Variants in STARD3NL observed in about 807,000 individuals in gnomAD.
STARD3NL encodes STARD3 N-terminal like, also known as STARD3 N-terminal-like protein.
A neutral mutation model predicts 30.9 loss-of-function variants in STARD3NL; 17 were observed. That is an observed-to-expected ratio of 0.55 (90% CI 0.38 to 0.82). STARD3NL has a LOEUF of 0.82. STARD3NL is among the 40% of genes least tolerant of loss of function. STARD3NL has a pLI of 0.00. For synonymous variants in STARD3NL, 112 were observed against 100.5 expected (o/e 1.11, Z -0.69); for missense variants, 234 against 277.6 (o/e 0.84, Z 1.12).
At chr7:38,204,762 G>C (rs1252636756) in intron 1 of STARD3NL, among the ~76,000 whole-genome samples, 1 of 151,984 alleles carries the variant, frequency 6.6e-6, no homozygotes, top group African/African-American at 2.4e-5. Context: ...GAAGAAAAGA[G>C]AGAAGAATCA....
intron 1 of STARD3NL, among the ~76,000 whole-genome samples, chr7:38,193,278 G>GT (rs760317387): frequency 2.2e-5 from 3 of 133,454 alleles, no homozygotes; most frequent in African/African-American, 8.3e-5. Context: ...ATTAGGATTA[G>GT]TTTTTTGTTG....
intron 2 of STARD3NL, among the ~76,000 whole-genome samples, chr7:38,213,938 C>T (rs948113997): frequency 2.0e-5 from 3 of 152,136 alleles, no homozygotes; most frequent in Admixed American, 6.5e-5. Context: ...GACGTTTGCC[C>T]GGATGTCGGG....
At chr7:38,220,322 T>C (rs1009136222) in intron 7 of STARD3NL, among the ~76,000 whole-genome samples, 18 of 152,330 alleles carry the variant, frequency 1.2e-4, no homozygotes, top group Middle Eastern at 3.4e-3. Context: ...GCAAGGGTTT[T>C]GATAGACATT....
chr7:38,226,547 A>AT (rs1786779615), intron 7 of STARD3NL, among the ~76,000 whole-genome samples: 1 of 152,116 alleles, frequency 6.6e-6, no homozygotes, highest in South Asian at 2.1e-4. Context: ...CGTTCAGGCC[A>AT]TTTTCAAGTC....
At chr7:38,225,116 A>T (rs563268845) in intron 7 of STARD3NL, among the ~76,000 whole-genome samples, 8 of 152,056 alleles carry the variant, frequency 5.3e-5, no homozygotes, top group African/African-American at 1.9e-4. Context: ...GATATTTTTC[A>T]TGTTTCTATT....
chr7:38,194,407 CT>C, intron 1 of STARD3NL, among the ~76,000 whole-genome samples: 1 of 152,102 alleles, frequency 6.6e-6, no homozygotes. Flanking sequence ...CATCATCCTC[CT>C]TTTGGATTTA....
At chr7:38,192,357 G>C (rs1784723129) in intron 1 of STARD3NL, among the ~76,000 whole-genome samples, 1 of 152,116 alleles carries the variant, frequency 6.6e-6, no homozygotes, top group South Asian at 2.1e-4. Context: ...TAATTATAGA[G>C]GTCTGTGTAC....
At chr7:38,221,566 T>C (rs1786464054) in intron 7 of STARD3NL, among the ~76,000 whole-genome samples, 1 of 152,198 alleles carries the variant, frequency 6.6e-6, no homozygotes. Context: ...ATCACACTAA[T>C]AATAAGTGGT....
intron 1 of STARD3NL, among the ~76,000 whole-genome samples, chr7:38,203,314 G>T (rs1356019385): frequency 2.0e-5 from 3 of 152,214 alleles, no homozygotes; most frequent in Admixed American, 1.3e-4. Flanking sequence ...CCAGAAGAGA[G>T]TGGGGGCCAA....
chr7:38,219,042 A>G (rs1786292172), intron 6 of STARD3NL, among the ~76,000 whole-genome samples: 1 of 152,154 alleles, frequency 6.6e-6, no homozygotes, highest in Non-Finnish European at 1.5e-5. Context: ...GGTACTCACA[A>G]GGGAAAGATG....
At chr7:38,181,255 C>T (rs559393363) in intron 1 of STARD3NL, among the ~76,000 whole-genome samples, 7 of 152,246 alleles carry the variant, frequency 4.6e-5, no homozygotes, top group Admixed American at 1.3e-4. Context: ...CTTAATCTTA[C>T]GCTTAGAAGT....
chr7:38,224,341 T>C (rs1227596953), intron 7 of STARD3NL, among the ~76,000 whole-genome samples: 2 of 152,250 alleles, frequency 1.3e-5, no homozygotes, highest in Non-Finnish European at 2.9e-5. Context: ...TGCTGTGTCA[T>C]GTGGCAAGTT....
At chr7:38,229,745 T>G (rs1562631839) in intron 8 of STARD3NL, among the ~76,000 whole-genome samples, 178 bp from the exon 9 acceptor site, 1 of 152,238 alleles carries the variant, frequency 6.6e-6, no homozygotes, top group Admixed American at 6.5e-5. Flanking sequence ...ATGCTCGTAG[T>G]TGAGCCTTTT....
chr7:38,207,998 A>G (rs1275608830), intron 2 of STARD3NL, among the ~76,000 whole-genome samples: 1 of 152,226 alleles, frequency 6.6e-6, no homozygotes, highest in Non-Finnish European at 1.5e-5. Context: ...GACAAACTAT[A>G]GGCTGTAAGA....
chr7:38,185,473 A>G (rs1583770709), intron 1 of STARD3NL, among the ~76,000 whole-genome samples: 2 of 152,088 alleles, frequency 1.3e-5, no homozygotes, highest in South Asian at 2.1e-4. Flanking sequence ...AACCTGCTCT[A>G]TTTTGTGACA....
intron 1 of STARD3NL, among the ~76,000 whole-genome samples, chr7:38,202,834 T>C (rs1455786861): frequency 1.3e-5 from 2 of 150,670 alleles, no homozygotes; most frequent in African/African-American, 4.9e-5. Flanking sequence ...TTTGGTTTTT[T>C]GTCCTTGTGA....
intron 7 of STARD3NL, among the ~76,000 whole-genome samples, chr7:38,222,141 T>TCACACACACACACACA (rs3223376): frequency 6.0e-4 from 87 of 144,302 alleles, no homozygotes; most frequent in African/African-American, 1.9e-3. Context: ...GTTAATATTT[T>TCACACACACACACACA]CACACACACA....
chr7:38,182,452 C>A (rs1405326588), intron 1 of STARD3NL, among the ~76,000 whole-genome samples: 1 of 152,002 alleles, frequency 6.6e-6, no homozygotes, highest in Non-Finnish European at 1.5e-5. Context: ...AAACTGAGGC[C>A]CAGAGAGACT....
At chr7:38,227,137 G>GTAAAGAAGA (rs746280190) in intron 7 of STARD3NL, among the ~76,000 whole-genome samples, 3 of 152,182 alleles carry the variant, frequency 2.0e-5, no homozygotes, top group Non-Finnish European at 2.9e-5. Context: ...TTTAAAATAT[G>GTAAAGAAGA]TAAAGAAGAC....
Sources: allele counts gnomAD v4.1 joint callset (sites outside exome capture counted in the v4.1 genomes callset), GRCh38; gene constraint gnomAD v4.1.1; transcripts MANE v1.5; gene names NCBI Gene and HGNC (gene_info 2026-07-23, HGNC 2026-07-21).